SLC2A13: variants seen among roughly 807,000 people sequenced by gnomAD.
The protein encoded by SLC2A13 is solute carrier family 2 member 13.
A neutral mutation model predicts 64.4 loss-of-function variants in SLC2A13; 32 were observed. The ratio of observed to expected loss-of-function variants is 0.50; its 90% confidence interval spans 0.37 to 0.67. SLC2A13 has a LOEUF of 0.67. Ranked by LOEUF, SLC2A13 falls within the 30% of genes least tolerant of loss-of-function variation. The pLI, the probability that SLC2A13 is intolerant of heterozygous loss-of-function variation, is 0.00. For missense variants in SLC2A13, 743 were observed against 829.2 expected (o/e 0.90, Z 1.28); for synonymous variants, 338 against 327.1 (o/e 1.03, Z -0.36).
chr12:39,841,650 T>C (rs1943182788), intron 6 of SLC2A13, among the ~76,000 whole-genome samples: 1 of 152,074 alleles, frequency 6.6e-6, no homozygotes, highest in African/African-American at 2.4e-5. Context: ...TTGATACTTT[T>C]CAGAGTAAAA....
intron 3 of SLC2A13, among the ~76,000 whole-genome samples, chr12:39,952,984 T>C (rs984012796): frequency 1.8e-5 from 1 of 56,798 alleles, no homozygotes; most frequent in Non-Finnish European, 3.7e-5. Context: ...ACCTTGTATA[T>C]CATGATTTTT....
In SLC2A13 at chr12:39,758,298, G is replaced by C. The variant is rs1016594632; in HGVS notation, c.*1728C>G. ...CATATTATACCTCTGGTGACTTAGA[G>C]AATGAACTTCCTCAGCTGTATTCTC... On this transcript the variant is annotated 3_prime_UTR_variant, in exon 10 of 10. Transcript: ENST00000280871. 3 of 151,824 alleles carry C rather than the reference G, an allele frequency of 2.0e-5. No homozygotes were observed. The highest frequency in any genetic ancestry group is 7.2e-5 in the African/African-American group (3 of 41,384). 9.4% of individuals were successfully genotyped at this position (151,824 alleles called of 1,614,324 possible). A position where few individuals can be genotyped will look rare whatever the true frequency, so the allele number is the denominator to read the frequency against.
chr12:39,978,643 A>G (rs11174564), intron 3 of SLC2A13, among the ~76,000 whole-genome samples: 54 of 152,050 alleles, frequency 3.6e-4, no homozygotes, highest in Non-Finnish European at 6.3e-4. Context: ...ACCACGCGAC[A>G]ATATCCCACA....
At chr12:39,904,467 T>C (rs1262478833) in intron 4 of SLC2A13, among the ~76,000 whole-genome samples, 1 of 152,158 alleles carries the variant, frequency 6.6e-6, no homozygotes, top group African/African-American at 2.4e-5. Context: ...AGGCCTGCCA[T>C]GTTAACTGTT....
At chr12:39,879,201 G>T (rs759628385) in intron 4 of SLC2A13, among the ~76,000 whole-genome samples, 2 of 152,266 alleles carry the variant, frequency 1.3e-5, no homozygotes, top group African/African-American at 2.4e-5. Context: ...GCAGAAGCCT[G>T]CTGCAGGGGC....
chr12:40,055,873 A>G (rs1948325320), intron 1 of SLC2A13, among the ~76,000 whole-genome samples: 1 of 151,946 alleles, frequency 6.6e-6, no homozygotes, highest in Admixed American at 6.6e-5. Flanking sequence ...ATGGTCTCAA[A>G]CTTCCTACAT....
chr12:40,086,089 G>A (rs1162940630), intron 1 of SLC2A13, among the ~76,000 whole-genome samples: 8 of 152,028 alleles, frequency 5.3e-5, no homozygotes, highest in East Asian at 1.9e-4. Context: ...CACCGGCCTC[G>A]GCCTCCCAAA....
intron 1 of SLC2A13, among the ~76,000 whole-genome samples, chr12:40,083,731 T>C (rs1209422245): frequency 6.6e-6 from 1 of 152,236 alleles, no homozygotes; most frequent in Non-Finnish European, 1.5e-5. Context: ...TGAGCAGTCC[T>C]GGGACTCACC....
intron 3 of SLC2A13, among the ~76,000 whole-genome samples, chr12:39,973,790 T>A (rs1430426776): frequency 6.6e-6 from 1 of 152,242 alleles, no homozygotes; most frequent in East Asian, 1.9e-4. Flanking sequence ...AAGGTATGGA[T>A]GTATTTGTTG....
At chr12:39,838,591 C>T (rs530217730) in intron 6 of SLC2A13, among the ~76,000 whole-genome samples, 20 of 150,642 alleles carry the variant, frequency 1.3e-4, no homozygotes, top group Non-Finnish European at 1.9e-4. Context: ...ACAAAACTGG[C>T]TCTAAAACCT....
At chr12:40,009,222 C>A (rs764054981) in intron 3 of SLC2A13, among the ~76,000 whole-genome samples, 2 of 152,136 alleles carry the variant, frequency 1.3e-5, no homozygotes, top group African/African-American at 4.8e-5. Flanking sequence ...TTAGCTTTAT[C>A]TGTCCTGTTC....
At chr12:39,950,891 G>T in intron 4 of SLC2A13, 1 of 265,268 alleles carries the variant, frequency 3.8e-6, no homozygotes, top group Non-Finnish European at 7.0e-6. Context: ...TTATCTGTGT[G>T]CCCATAATCT....
intron 1 of SLC2A13, among the ~76,000 whole-genome samples, chr12:40,066,024 T>A (rs768136654): frequency 1.3e-5 from 2 of 152,172 alleles, no homozygotes; most frequent in Non-Finnish European, 2.9e-5. Flanking sequence ...GGCACACTTT[T>A]CAAAAAGCTT....
At chr12:39,888,793 TATA>T (rs1303259691) in intron 4 of SLC2A13, among the ~76,000 whole-genome samples, 2 of 152,266 alleles carry the variant, frequency 1.3e-5, no homozygotes, top group African/African-American at 2.4e-5. Flanking sequence ...ACCAAAATTT[TATA>T]ATATTATATT....
intron 1 of SLC2A13, among the ~76,000 whole-genome samples, chr12:40,051,638 G>GAAT (rs1300258346): frequency 1.3e-5 from 2 of 152,122 alleles, no homozygotes; most frequent in Admixed American, 1.3e-4. Flanking sequence ...GAGATGTAGT[G>GAAT]AATAAGTAAG....
chr12:39,927,413 T>C (rs1422020216), intron 4 of SLC2A13, among the ~76,000 whole-genome samples: 2 of 152,182 alleles, frequency 1.3e-5, no homozygotes, highest in South Asian at 2.1e-4. Flanking sequence ...AGTCAAAGCA[T>C]ACTCTTGAGT....
intron 6 of SLC2A13, among the ~76,000 whole-genome samples, chr12:39,848,188 T>G (rs781072468): frequency 2.6e-5 from 4 of 152,142 alleles, no homozygotes; most frequent in East Asian, 3.9e-4. Context: ...GGGATCTAAT[T>G]AAACCTAAAA....
chr12:39,984,084 A>C (rs181534815), intron 3 of SLC2A13, among the ~76,000 whole-genome samples: 4 of 152,142 alleles, frequency 2.6e-5, no homozygotes, highest in African/African-American at 9.6e-5. Context: ...CAAGAAGAAA[A>C]AACCAAACAC....
At chr12:40,068,223 GA>G in intron 1 of SLC2A13, 2 of 310,954 alleles carry the variant, frequency 6.4e-6, no homozygotes, top group South Asian at 2.6e-5. Flanking sequence ...TTTTACTAAA[GA>G]AAAATTATTT....
Sources: allele counts gnomAD v4.1 joint callset (sites outside exome capture counted in the v4.1 genomes callset), GRCh38; gene constraint gnomAD v4.1.1; transcripts MANE v1.5; gene names NCBI Gene and HGNC (gene_info 2026-07-23, HGNC 2026-07-21).